SLC2A14: variants seen among roughly 807,000 people sequenced by gnomAD.
SLC2A14 encodes solute carrier family 2, facilitated glucose transporter member 14.
In SLC2A14, 13 loss-of-function variants were observed where a neutral mutation model predicts 43.0. That is an observed-to-expected ratio of 0.30 (90% CI 0.20 to 0.48). The LOEUF (loss-of-function observed/expected upper bound fraction) is 0.48. SLC2A14 is among the 20% of genes least tolerant of loss of function. SLC2A14 has a pLI of 0.99. For synonymous variants in SLC2A14, 190 were observed against 233.8 expected, an observed-to-expected ratio of 0.81 and a Z score of 1.71; for missense variants, 428 against 620.4, an observed-to-expected ratio of 0.69 and a Z score of 3.29.
rs1293708025 is a variant in SLC2A14, at chr12:7,812,760, G to A, written c.*1556C>T. On this transcript the variant is annotated 3_prime_UTR_variant, in exon 11 of 11. Transcript: ENST00000431042. ...GAGCAGAGGGAACAGTGAGAACTGAGAACCAAAATACTGTCACTGGCAAGG... is the reference window on the plus strand; with the variant it reads ...GAGCAGAGGGAACAGTGAGAACTGAAAACCAAAATACTGTCACTGGCAAGG... 6.6e-6 allele frequency: 1 copy of A among 152,134 alleles called. No individual in the cohort carries two copies. The highest frequency in any genetic ancestry group is 1.5e-5 in the Non-Finnish European group (1 of 68,040). 9.4% of individuals were successfully genotyped at this position (152,134 alleles called of 1,614,324 possible).
rs577716240 is a variant in SLC2A14, at chr12:7,849,373, G to A, written c.19-16559C>T. On this transcript the variant is annotated intron_variant, in intron 2 of 10. Transcript: ENST00000431042. ...CAAATAATTAGCCAGGTGTGGTGGC[G>A]CCCACCTGTGGTCCTAGCTACTTGG... Among the ~76,000 whole-genome samples the A allele has an allele frequency of 1.2e-3, 187 of 151,984 alleles. 1 individual carries two copies. The South Asian group carries it at 0.02, about 16-fold the overall frequency.
upstream of SLC2A14, among the ~76,000 whole-genome samples, chr12:7,873,642 A>AAAAC (rs144363840): frequency 7.0e-3 from 1,057 of 151,158 alleles, 11 homozygotes; most frequent in African/African-American, 0.023. Flanking sequence ...TCCGTCTCAA[A>AAAAC]AAACAAACAA....
At chr12:7,823,190 C>T (rs953959715) in intron 7 of SLC2A14, among the ~76,000 whole-genome samples, 15 of 151,896 alleles carry the variant, frequency 9.9e-5, no homozygotes, top group African/African-American at 3.6e-4. Flanking sequence ...CAAGACCAGC[C>T]TAGCCAACAT....
At chr12:7,871,948 G>A in intron 1 of SLC2A14, 1 of 979,314 alleles carries the variant, frequency 1.0e-6, no homozygotes, top group African/African-American at 1.8e-5. Flanking sequence ...CCAATAGAGG[G>A]CTGAGCATGG....
chr12:7,871,207 A>G (rs917732912), intron 1 of SLC2A14: 1 of 1,255,322 alleles, frequency 8.0e-7, no homozygotes. Flanking sequence ...CTCAGGTTTC[A>G]TTCATGAGGA....
chr12:7,822,001 T>C (rs1410093306), intron 7 of SLC2A14, among the ~76,000 whole-genome samples: 1 of 151,866 alleles, frequency 6.6e-6, no homozygotes, highest in African/African-American at 2.4e-5. Context: ...ATTTTTTGTA[T>C]TTTTAGTAGA....
chr12:7,850,520 C>A (rs1316696623), intron 2 of SLC2A14, among the ~76,000 whole-genome samples: 1 of 152,020 alleles, frequency 6.6e-6, no homozygotes, highest in Non-Finnish European at 1.5e-5. Flanking sequence ...CTCAGCCTCC[C>A]AAGTAGCTGG....
intron 7 of SLC2A14, among the ~76,000 whole-genome samples, chr12:7,823,290 G>A (rs1864079943): frequency 1.3e-5 from 2 of 151,956 alleles, no homozygotes; most frequent in Admixed American, 1.3e-4. Context: ...GGCTGAGGCA[G>A]GAGAATCGCT....
At chr12:7,825,777 AAAAAG>A (rs1864308649) in intron 7 of SLC2A14, among the ~76,000 whole-genome samples, 2 of 134,404 alleles carry the variant, frequency 1.5e-5, no homozygotes, top group African/African-American at 5.8e-5. Flanking sequence ...AAAAAAAAAA[AAAAAG>A]AAAGAAAAGA....
chr12:7,869,872 G>C lies in SLC2A14; in HGVS notation c.9C>G (p.Asn3Lys). ...CAGTTTTAATACTCACATTCTGTCTGTTGTCCATCTCTCTGCTATCCTAGG... is the reference window on the plus strand; with the variant it reads ...CAGTTTTAATACTCACATTCTGTCTCTTGTCCATCTCTCTGCTATCCTAGG... MD[N>K]RQNVTPALIF... The change falls in exon 2 of 11, where the codon AAC becomes AAG. Residue 3 changes from asparagine to lysine, a missense_variant. Asn to Lys is a moderately conservative substitution (Grantham distance 94, BLOSUM62 0). Transcript: ENST00000431042. 1 of 1,520,078 alleles carries C rather than the reference G, an allele frequency of 6.6e-7. No individual in the cohort carries two copies. Among genetic ancestry groups the C allele is most frequent in the Non-Finnish European group, 8.8e-7 (1 of 1,132,826 alleles). The allele number at this position is 1,520,078 out of a possible 1,614,324, so 94.2% of individuals were successfully genotyped here. A position where few individuals can be genotyped will look rare whatever the true frequency, so the allele number is the denominator to read the frequency against.
intron 4 of SLC2A14, among the ~76,000 whole-genome samples, chr12:7,830,919 T>C (rs943600327): frequency 6.6e-6 from 1 of 151,652 alleles, no homozygotes; most frequent in South Asian, 2.1e-4. Flanking sequence ...AGGTCAGGAG[T>C]TCGAGACTAG....
At position 7,827,556 on chromosome 12, in the gene SLC2A14, C is replaced by T. The variant is rs749239476; in HGVS notation, c.803G>A (p.Arg268Gln). The part of the protein sequence containing the change: ...VLELFRVSSY[R>Q]QPIIISIVLQ... The stretch of plus-strand genomic sequence containing the variant: ...CACAATGGAAATGATGATGGGCTGT[C>T]GGTAGCTGGACACTCTAAAGAGCTC... Residue 268 changes from arginine (R) to glutamine (Q), a missense_variant, in exon 7 of 11, where the codon CGA (arginine) becomes CAA (glutamine). Arg to Gln is a conservative substitution (Grantham distance 43). This residue lies in a region of SLC2A14 where 185 missense variants were observed against 275.4 expected (regional missense o/e 0.67). Coordinates refer to ENST00000431042, the MANE Select transcript of SLC2A14 (RefSeq NM_001286234.2). The T allele has an allele frequency of 3.4e-5, 55 of 1,612,994 alleles. No individual in the cohort carries two copies. The Admixed American group carries it at 3.5e-4, about 10-fold the overall frequency.
Position 7,818,407 on chromosome 12 carries a change from T to G in SLC2A14, c.1072-373A>C, listed in dbSNP as rs540820536. Reference sequence around the variant, plus strand: ...TGGGCACTGTGGCTCACGCCTATAGTCCCAGCACTTTGGGAGGGTGAAGTG... The same window carrying G: ...TGGGCACTGTGGCTCACGCCTATAGGCCCAGCACTTTGGGAGGGTGAAGTG... On this transcript the variant is annotated intron_variant, in intron 9 of 10. Transcript: ENST00000431042. Among the ~76,000 whole-genome samples the G allele has an allele frequency of 4.6e-5, 7 of 152,298 alleles. No homozygotes were observed. In the Middle Eastern group the frequency reaches 0.01, roughly 222 times the overall value.
chr12:7,859,400 A>T (rs753052553), intron 2 of SLC2A14, among the ~76,000 whole-genome samples: 2 of 146,896 alleles, frequency 1.4e-5, no homozygotes, highest in Non-Finnish European at 3.0e-5. Context: ...CTCAAAAAAT[A>T]AAAAAAAAAA....
chr12:7,823,528 C>T (rs116116112), intron 7 of SLC2A14, among the ~76,000 whole-genome samples: 3,584 of 152,114 alleles, frequency 0.024, 121 homozygotes, highest in African/African-American at 0.08. Context: ...TCAAGACCAC[C>T]CTGACAACAT....
At chr12:7,841,719 T>C (rs1470879460) in intron 2 of SLC2A14, among the ~76,000 whole-genome samples, 1 of 152,150 alleles carries the variant, frequency 6.6e-6, no homozygotes, top group East Asian at 1.9e-4. Context: ...AAAAATCCCA[T>C]GTTCCAGGCT....
chr12:7,826,667 G>A (rs770919650), intron 7 of SLC2A14, among the ~76,000 whole-genome samples: 6 of 152,010 alleles, frequency 3.9e-5, no homozygotes, highest in African/African-American at 9.7e-5. Context: ...GCTGATATTT[G>A]CATGGAATAC....
At chr12:7,821,630 T>A (rs949395385) in intron 7 of SLC2A14, among the ~76,000 whole-genome samples, 4 of 152,124 alleles carry the variant, frequency 2.6e-5, no homozygotes, top group African/African-American at 9.7e-5. Context: ...TAAAAAATAC[T>A]TAAAAGTCCC....
At chr12:7,884,819 C>T (rs934616536) in intron 1 of SLC2A14, among the ~76,000 whole-genome samples, 12 of 152,252 alleles carry the variant, frequency 7.9e-5, no homozygotes, top group African/African-American at 1.7e-4. Flanking sequence ...CCTCTCCCTG[C>T]GGGCTAGACT....
Sources: gnomAD v4.1 joint callset for allele counts (sites outside exome capture counted in the v4.1 genomes callset) on GRCh38, gnomAD v4.1.1 for gene constraint, gnomAD v4.1.1 regional missense constraint, MANE v1.5 for transcripts, NCBI Gene and HGNC (gene_info 2026-07-23, HGNC 2026-07-21) for gene names.